Variants in MACROD2 observed in about 807,000 individuals in gnomAD.
MACROD2 encodes the protein mono-ADP ribosylhydrolase 2.
In MACROD2, 36 loss-of-function variants were observed where a neutral mutation model predicts 70.4. The ratio of observed to expected loss-of-function variants is 0.51; its 90% CI spans 0.39 to 0.68. MACROD2 has a LOEUF of 0.68. MACROD2 is among the 30% of genes least tolerant of loss of function. The probability of loss-of-function intolerance (pLI) is 0.00; values close to 1 mark genes in which losing one functional copy is unlikely to be tolerated. For synonymous variants in MACROD2, 172 were observed against 178.8 expected, an observed-to-expected ratio of 0.96 and a Z score of 0.30; for missense variants, 496 against 538.4, an observed-to-expected ratio of 0.92 and a Z score of 0.78.
intron 8 of MACROD2, among the ~76,000 whole-genome samples, chr20:15,632,739 A>G (rs1445255913): frequency 2.0e-5 from 3 of 152,086 alleles, no homozygotes; most frequent in Non-Finnish European, 1.5e-5. Context: ...GTCTAATGTA[A>G]AACAACACGA....
intron 8 of MACROD2, among the ~76,000 whole-genome samples, chr20:15,835,749 A>G (rs1160726919): frequency 6.6e-6 from 1 of 152,240 alleles, no homozygotes; most frequent in South Asian, 2.1e-4. Context: ...ATCAACTCGT[A>G]TAATAATGAG....
chr20:14,666,920 C>T (rs947999554), intron 4 of MACROD2, among the ~76,000 whole-genome samples: 3 of 151,492 alleles, frequency 2.0e-5, no homozygotes, highest in Non-Finnish European at 2.9e-5. Flanking sequence ...CATTATGTGA[C>T]CTGACTTTCA....
chr20:15,831,121 A>T (rs1198789792), intron 8 of MACROD2, among the ~76,000 whole-genome samples: 1 of 152,206 alleles, frequency 6.6e-6, no homozygotes, highest in African/African-American at 2.4e-5. Flanking sequence ...AAACATAATA[A>T]TAACACCCTG....
chr20:15,139,066 G>A (rs533131416), intron 5 of MACROD2, among the ~76,000 whole-genome samples: 1 of 152,126 alleles, frequency 6.6e-6, no homozygotes, highest in East Asian at 1.9e-4. Context: ...TTAAATGGAG[G>A]TTTAATGTCT....
chr20:15,358,052 C>T (rs1487033604), intron 6 of MACROD2, among the ~76,000 whole-genome samples: 2 of 152,104 alleles, frequency 1.3e-5, no homozygotes, highest in Non-Finnish European at 2.9e-5. Context: ...GCGTGATCCG[C>T]CCGCTTTGGC....
chr20:15,755,697 G>A (rs574911093), intron 8 of MACROD2, among the ~76,000 whole-genome samples: 1 of 152,242 alleles, frequency 6.6e-6, no homozygotes, highest in Admixed American at 6.5e-5. Flanking sequence ...ATTTGATTTT[G>A]ATTATCATGT....
chr20:15,306,045 C>A (rs2077694758), intron 6 of MACROD2, among the ~76,000 whole-genome samples: 1 of 152,134 alleles, frequency 6.6e-6, no homozygotes, highest in African/African-American at 2.4e-5. Flanking sequence ...AGGCGAGTAT[C>A]AAAAAGTATT....
intron 4 of MACROD2, among the ~76,000 whole-genome samples, chr20:14,590,984 A>G (rs1427664615): frequency 2.6e-5 from 4 of 152,142 alleles, no homozygotes; most frequent in Admixed American, 6.5e-5. Context: ...ATTTTTCTAT[A>G]AATCAGGTAA....
intron 2 of MACROD2, among the ~76,000 whole-genome samples, chr20:14,006,274 C>T (rs1198413126): frequency 6.6e-6 from 1 of 152,156 alleles, no homozygotes; most frequent in African/African-American, 2.4e-5. Flanking sequence ...AGAACGTATT[C>T]CATTGTTAAG....
intron 3 of MACROD2, among the ~76,000 whole-genome samples, chr20:14,458,872 G>T (rs2084334528): frequency 6.6e-6 from 1 of 152,044 alleles, no homozygotes; most frequent in East Asian, 1.9e-4. Context: ...TGGCTATTTG[G>T]CAAGGCTGTC....
chr20:14,152,171 A>G (rs930955329), intron 3 of MACROD2, among the ~76,000 whole-genome samples: 7 of 152,096 alleles, frequency 4.6e-5, no homozygotes, highest in African/African-American at 1.7e-4. Flanking sequence ...TAACTAAGCT[A>G]CATACTTTAT....
At chr20:14,047,762 G>A (rs1204204666) in intron 2 of MACROD2, among the ~76,000 whole-genome samples, 1 of 152,160 alleles carries the variant, frequency 6.6e-6, no homozygotes, top group African/African-American at 2.4e-5. Context: ...TGGGATATCA[G>A]TATGTGTGAA....
intron 5 of MACROD2, among the ~76,000 whole-genome samples, chr20:14,890,546 T>A (rs537431213): frequency 3.6e-4 from 55 of 151,980 alleles, no homozygotes; most frequent in Middle Eastern, 3.4e-3. Context: ...GATAGGAGAA[T>A]CTCTTGAGGC....
chr20:14,902,988 A>G (rs2073914728), intron 5 of MACROD2, among the ~76,000 whole-genome samples: 1 of 151,754 alleles, frequency 6.6e-6, no homozygotes, highest in African/African-American at 2.4e-5. Flanking sequence ...CCATGTAGTA[A>G]AAGAAGTACG....
chr20:14,084,833 A>G (rs934830922), intron 2 of MACROD2, among the ~76,000 whole-genome samples: 2 of 151,826 alleles, frequency 1.3e-5, no homozygotes, highest in African/African-American at 2.4e-5. Flanking sequence ...TAGAAGTACC[A>G]AAGAGCTGGC....
At chr20:15,400,293 A>C (rs938306466) in intron 6 of MACROD2, among the ~76,000 whole-genome samples, 2 of 152,132 alleles carry the variant, frequency 1.3e-5, no homozygotes, top group African/African-American at 4.8e-5. Context: ...CTCTGCTGAA[A>C]ATGCTGAACC....
intron 5 of MACROD2, among the ~76,000 whole-genome samples, chr20:14,775,938 T>C (rs1323348835): frequency 6.6e-6 from 1 of 152,056 alleles, no homozygotes; most frequent in Non-Finnish European, 1.5e-5. Context: ...GGGTTACTTC[T>C]GTGATCACAC....
At chr20:15,443,016 A>C (rs2046516301) in intron 7 of MACROD2, among the ~76,000 whole-genome samples, 1 of 151,946 alleles carries the variant, frequency 6.6e-6, no homozygotes, top group South Asian at 2.1e-4. Context: ...TGGTACCAAA[A>C]CTCCTTGCAA....
intron 3 of MACROD2, chr20:14,327,435 T>C (rs1343688562): frequency 2.5e-6 from 4 of 1,613,550 alleles, no homozygotes; most frequent in South Asian, 1.1e-5. Flanking sequence ...CCATAACTGA[T>C]AGAGGTGCTA....
Sources: allele counts gnomAD v4.1 joint callset (sites outside exome capture counted in the v4.1 genomes callset), GRCh38; gene constraint gnomAD v4.1.1; transcripts MANE v1.5; gene names NCBI Gene and HGNC (gene_info 2026-07-23, HGNC 2026-07-21).